The following PTPRD variants were observed in gnomAD, a reference collection of about 807,000 sequenced individuals.
PTPRD encodes receptor-type tyrosine-protein phosphatase delta.
PTPRD carries 34 observed loss-of-function variants against 214.5 expected under a neutral mutation model. The observed-to-expected ratio is 0.16, with a 90% CI of 0.12 to 0.21. The LOEUF is 0.21. Ranked by LOEUF, PTPRD falls within the 10% of genes least tolerant of loss-of-function variation. The pLI, the probability that PTPRD is intolerant of heterozygous loss-of-function variation, is 1.00. For synonymous variants in PTPRD, 1,128 were observed against 845.7 expected (o/e 1.33, Z -5.79); for missense variants, 2,545 against 2,398.7 (o/e 1.06, Z -1.27).
chr9:9,608,515 C>G (rs1263373769), intron 7 of PTPRD, among the ~76,000 whole-genome samples: 1 of 152,080 alleles, frequency 6.6e-6, no homozygotes, highest in Non-Finnish European at 1.5e-5. Context: ...GTCCTTTATG[C>G]CAGGGGCATA....
rs1016924995 is a variant in PTPRD at position 8,674,104 on chromosome 9, C to CA, written c.65-37261dup. Among the ~76,000 whole-genome samples, 8 of 152,136 alleles carry CA rather than the reference C, an allele frequency of 5.3e-5. No homozygotes were observed. In the East Asian group the frequency reaches 1.2e-3, roughly 22 times the overall value. ...TGTGATAAATATGAAATGGGAATAACAAAAAATCACATAGACACACACACA... is the reference window on the plus strand; with the variant it reads ...TGTGATAAATATGAAATGGGAATAACAAAAAAATCACATAGACACACACACA... On this transcript the variant is annotated intron_variant, in intron 12 of 45. Transcript: ENST00000381196.
chr9:9,651,412 A>G (rs896882580), intron 7 of PTPRD, among the ~76,000 whole-genome samples: 1 of 152,056 alleles, frequency 6.6e-6, no homozygotes, highest in African/African-American at 2.4e-5. Flanking sequence ...AACTTCCAAA[A>G]AACCTTAGGG....
intron 3 of PTPRD, among the ~76,000 whole-genome samples, chr9:10,260,682 G>A (rs1564849393): frequency 6.6e-6 from 1 of 152,064 alleles, no homozygotes; most frequent in Non-Finnish European, 1.5e-5. Flanking sequence ...GATGACATGA[G>A]AATATTCTAC....
chr9:9,920,980 C>G (rs7862487), intron 5 of PTPRD, among the ~76,000 whole-genome samples: 56,346 of 151,884 alleles, frequency 0.37, 10,907 homozygotes, highest in East Asian at 0.6. Context: ...GTTGCAGGCA[C>G]TAAGGCTTAT....
At chr9:10,514,512 G>A (rs1245761494) in intron 2 of PTPRD, among the ~76,000 whole-genome samples, 1 of 151,170 alleles carries the variant, frequency 6.6e-6, no homozygotes, top group Non-Finnish European at 1.5e-5. Context: ...TTTCTCTTAG[G>A]CAATGAATAT....
chr9:9,923,762 A>G lies in PTPRD; in HGVS notation c.-368+14745T>C, dbSNP rs555550911. ...TCATTGAAGAGAAGTACACATCTAA[A>G]ATGTATACTTCTCATGGGCCGTATT... On this transcript the variant is annotated intron_variant, in intron 5 of 45. Transcript: ENST00000381196. Among the ~76,000 whole-genome samples the G allele has an allele frequency of 3.4e-4, 52 of 152,052 alleles. 1 individual carries two copies. Among genetic ancestry groups the G allele is most frequent in the African/African-American group, 1.2e-3 (51 of 41,532 alleles).
chr9:8,535,643 T>C (rs770367080), intron 14 of PTPRD, among the ~76,000 whole-genome samples: 15 of 151,940 alleles, frequency 9.9e-5, no homozygotes, highest in African/African-American at 3.4e-4. Flanking sequence ...TCTTGGGGAG[T>C]AGGTCATGTT....
At position 8,570,537 on chromosome 9, in the gene PTPRD, A is replaced by T. The variant is rs1302352370; in HGVS notation, c.353-41758T>A. On this transcript the variant is annotated intron_variant, in intron 14 of 45. Coordinates refer to ENST00000381196, the MANE Select transcript of PTPRD (RefSeq NM_002839.4). ...AAGTATGGTAATAAATACACTTAAG[A>T]GAGGTAGGTTTTAATAATAACAAAT... Among the ~76,000 whole-genome samples, 23 of 152,170 alleles carry T rather than the reference A, an allele frequency of 1.5e-4. 2 individuals carry two copies. Among genetic ancestry groups the T allele is most frequent in the Non-Finnish European group, 1.5e-5 (1 of 68,024 alleles).
intron 2 of PTPRD, among the ~76,000 whole-genome samples, chr9:10,377,038 C>G (rs77777968): frequency 8.6e-5 from 13 of 151,958 alleles, no homozygotes; most frequent in Non-Finnish European, 1.3e-4. Flanking sequence ...ACCATCCCCC[C>G]CTTCCACCCA....
chr9:9,694,777 C>T (rs2097339863), intron 7 of PTPRD, among the ~76,000 whole-genome samples: 1 of 152,074 alleles, frequency 6.6e-6, no homozygotes, highest in African/African-American at 2.4e-5. Flanking sequence ...GCCATGCCAC[C>T]ACCAATGTTC....
intron 5 of PTPRD, among the ~76,000 whole-genome samples, chr9:9,883,577 T>G (rs1436857806): frequency 6.6e-6 from 1 of 152,146 alleles, no homozygotes. Flanking sequence ...TTAAGAAGAA[T>G]AGATCATCTT....
chr9:10,015,846 A>T (rs1223171837), intron 4 of PTPRD, among the ~76,000 whole-genome samples: 1 of 152,118 alleles, frequency 6.6e-6, no homozygotes, highest in Non-Finnish European at 1.5e-5. Context: ...AGATACTACA[A>T]GGTCATTTTG....
At chr9:10,462,685 C>A (rs2098967422) in intron 2 of PTPRD, among the ~76,000 whole-genome samples, 1 of 149,656 alleles carries the variant, frequency 6.7e-6, no homozygotes, top group Admixed American at 6.7e-5. Context: ...ATTGGAAGTG[C>A]ATTGAGAAGG....
At chr9:10,471,073 C>A (rs765903977) in intron 2 of PTPRD, among the ~76,000 whole-genome samples, 4 of 152,084 alleles carry the variant, frequency 2.6e-5, no homozygotes, top group African/African-American at 7.2e-5. Flanking sequence ...CACGTTCTCA[C>A]TTATAAGCGG....
At chr9:9,562,522 GCCTTCAACCCCA>G (rs1328279408) in intron 8 of PTPRD, among the ~76,000 whole-genome samples, 1 of 152,058 alleles carries the variant, frequency 6.6e-6, no homozygotes, top group African/African-American at 2.4e-5. Flanking sequence ...TACCTGACCT[GCCTTCAACCCCA>G]CCTCTGTTAC....
At chr9:8,331,526 A>G in intron 44 of PTPRD, 56 bp downstream of exon 44, 2 of 1,597,176 alleles carry the variant, frequency 1.3e-6, no homozygotes, top group Non-Finnish European at 1.7e-6. Flanking sequence ...AAGTGTATAC[A>G]GACAATGAAG....
At chr9:8,726,569 TAAAAAAAAA>T (rs764810328) in intron 12 of PTPRD, among the ~76,000 whole-genome samples, 2 of 1,982 alleles carry the variant, frequency 1.0e-3, no homozygotes, top group Non-Finnish European at 1.7e-3. Context: ...CGGTCTCTAC[TAAAAAAAAA>T]AAAAAAAAAA....
chr9:9,845,157 T>C (rs796401823), intron 5 of PTPRD, among the ~76,000 whole-genome samples: 12 of 8,464 alleles, frequency 1.4e-3, no homozygotes, highest in East Asian at 0.017. Flanking sequence ...TTGCTCTATA[T>C]ATAGAGCAAT....
chr9:9,569,112 T>A (rs1423240683), intron 8 of PTPRD, among the ~76,000 whole-genome samples: 3 of 151,810 alleles, frequency 2.0e-5, no homozygotes, highest in Non-Finnish European at 4.4e-5. Flanking sequence ...TTCTTAATTC[T>A]TACTCTGTCA....
Sources: gnomAD v4.1 joint callset for allele counts (sites outside exome capture counted in the v4.1 genomes callset) on GRCh38, gnomAD v4.1.1 for gene constraint, MANE v1.5 for transcripts, NCBI Gene and HGNC (gene_info 2026-07-23, HGNC 2026-07-21) for gene names.